Variants in LNX1 observed in about 807,000 individuals in gnomAD.
The protein encoded by LNX1 is ligand of numb-protein X 1.
LNX1 carries 54 observed loss-of-function variants against 68.4 expected under a neutral mutation model. The ratio of observed to expected loss-of-function variants is 0.79; its 90% CI spans 0.63 to 0.99. The LOEUF (loss-of-function observed/expected upper bound fraction) is 0.99. Ranked by LOEUF, LNX1 falls within the 50% of genes least tolerant of loss-of-function variation. The probability of loss-of-function intolerance (pLI) is 0.00; values close to 1 mark genes in which losing one functional copy is unlikely to be tolerated. For missense variants in LNX1, 906 were observed against 926.4 expected, an observed-to-expected ratio of 0.98 and a Z score of 0.29; for synonymous variants, 336 against 350.0, an observed-to-expected ratio of 0.96 and a Z score of 0.45.
chr4:53,614,977 T>C (rs1733632236), intron 2 of LNX1, among the ~76,000 whole-genome samples: 2 of 68,824 alleles, frequency 2.9e-5, no homozygotes, highest in African/African-American at 9.8e-5. Context: ...CCGAAATTTG[T>C]TCATCTTTGA....
intron 2 of LNX1, among the ~76,000 whole-genome samples, chr4:53,529,938 A>G (rs1350924362): frequency 1.6e-5 from 2 of 122,322 alleles, no homozygotes; most frequent in Non-Finnish European, 3.7e-5. Flanking sequence ...GCGGACAAAA[A>G]TGCTACAGAG....
chr4:53,633,890 C>T (rs1402868235), intron 1 of LNX1, among the ~76,000 whole-genome samples: 2 of 152,202 alleles, frequency 1.3e-5, no homozygotes, highest in South Asian at 2.1e-4. Flanking sequence ...CAGAAAAGCC[C>T]GACAGTGAAA....
chr4:53,562,988 C>T (rs572914965), intron 2 of LNX1, among the ~76,000 whole-genome samples: 25 of 152,216 alleles, frequency 1.6e-4, no homozygotes, highest in African/African-American at 4.6e-4. Flanking sequence ...AGACGGATCA[C>T]GAGGTCAGGA....
At chr4:53,629,134 G>A (rs2616424) in intron 1 of LNX1, among the ~76,000 whole-genome samples, 50,277 of 151,992 alleles carry the variant, frequency 0.33, 8,670 homozygotes, top group Admixed American at 0.38. Flanking sequence ...TGAAATAAAT[G>A]TGAAAAACAG....
chr4:53,517,809 C>T (rs1375986909), intron 2 of LNX1, among the ~76,000 whole-genome samples: 1 of 152,180 alleles, frequency 6.6e-6, no homozygotes, highest in African/African-American at 2.4e-5. Context: ...TTTGCGTAGT[C>T]AGAGGTGAAC....
chr4:53,557,951 C>T (rs1362606433), intron 2 of LNX1: 4 of 1,613,694 alleles, frequency 2.5e-6, no homozygotes, highest in South Asian at 1.1e-5. Flanking sequence ...AGACCAGCAA[C>T]AGAAGCGCCT....
At position 53,507,297 on chromosome 4, in the gene LNX1, C is replaced by T. The variant is rs10021772; in HGVS notation, c.775+20G>A. On this transcript the variant is annotated intron_variant, in intron 4 of 10. Coordinates refer to ENST00000263925, the MANE Select transcript of LNX1 (RefSeq NM_001126328.3). ...GAAGCCCAGCCCATGTCCATCCAGC[C>T]TTATGGGGAGTTCATTTACCTTCAG... 566,637 of 1,611,566 alleles carry T rather than the reference C, an allele frequency of 0.35. 106,136 individuals are homozygous for T. Among genetic ancestry groups the T allele is most frequent in the South Asian group, 0.64 (58,479 of 90,898 alleles).
intron 2 of LNX1, among the ~76,000 whole-genome samples, chr4:53,539,518 A>T (rs1362269712): frequency 6.6e-6 from 1 of 152,216 alleles, no homozygotes; most frequent in Admixed American, 6.5e-5. Context: ...GGCATGTGCC[A>T]CCATGCCCAG....
At chr4:53,610,526 T>G (rs1409229503) in intron 2 of LNX1, among the ~76,000 whole-genome samples, 1 of 151,750 alleles carries the variant, frequency 6.6e-6, no homozygotes, top group Non-Finnish European at 1.5e-5. Context: ...GCTAACACGG[T>G]GAAACCCTGT....
At chr4:53,564,867 T>C (rs937691304) in intron 2 of LNX1, among the ~76,000 whole-genome samples, 1 of 152,156 alleles carries the variant, frequency 6.6e-6, no homozygotes, top group African/African-American at 2.4e-5. Context: ...TTCCCTTTCC[T>C]AATCAAAGAA....
intron 1 of LNX1, among the ~76,000 whole-genome samples, chr4:53,641,990 A>G (rs1734703151): frequency 6.6e-6 from 1 of 152,096 alleles, no homozygotes; most frequent in Non-Finnish European, 1.5e-5. Flanking sequence ...TGAAACCAAG[A>G]CAGGAGGATT....
chr4:53,585,282 A>G (rs1405051093), intron 1 of LNX1, among the ~76,000 whole-genome samples: 3 of 152,194 alleles, frequency 2.0e-5, no homozygotes, highest in African/African-American at 7.2e-5. Flanking sequence ...CTGTGGCATG[A>G]ACATAGAAAT....
chr4:53,648,402 A>G (rs1734971082), intron 1 of LNX1, among the ~76,000 whole-genome samples: 1 of 152,148 alleles, frequency 6.6e-6, no homozygotes, highest in Admixed American at 6.6e-5. Flanking sequence ...CCATTTATAT[A>G]TCTTCTTTGG....
chr4:53,547,349 C>T (rs1043840707), intron 2 of LNX1, among the ~76,000 whole-genome samples: 18 of 152,176 alleles, frequency 1.2e-4, no homozygotes, highest in African/African-American at 3.9e-4. Flanking sequence ...AAATGCTTTA[C>T]ATAATCTCAC....
At chr4:53,576,736 C>T (rs1284041538) in intron 1 of LNX1, among the ~76,000 whole-genome samples, 2 of 152,142 alleles carry the variant, frequency 1.3e-5, no homozygotes, top group African/African-American at 2.4e-5. Flanking sequence ...TCCACAAGAA[C>T]ATAAAGACAC....
Position 53,498,795 on chromosome 4 carries a change from A to G in LNX1, c.824T>C (p.Ile275Thr). ...ACTGGGATCTACTCGATTGATCTTG[A>G]TGCTGGTAATTTCACCATCTGGAAT... is the stretch of plus-strand genomic sequence containing the variant. Reference protein sequence around the residue: ...HLIPDGEITSIKINRVDPSES... With the variant: ...HLIPDGEITSTKINRVDPSES... The change falls in exon 5 of 11, where the codon ATC becomes ACC. Residue 275 changes from isoleucine (I) to threonine (T), a missense_variant. Physicochemically the swap from Ile to Thr is moderately conservative, Grantham distance 89. Coordinates refer to ENST00000263925, the MANE Select transcript of LNX1 (RefSeq NM_001126328.3). The G allele has an allele frequency of 6.2e-7, 1 of 1,614,092 alleles. No homozygotes were observed. Among genetic ancestry groups the G allele is most frequent in the Non-Finnish European group, 8.5e-7 (1 of 1,180,004 alleles).
chr4:53,645,012 G>T (rs1255633990), intron 1 of LNX1, among the ~76,000 whole-genome samples: 2 of 152,208 alleles, frequency 1.3e-5, no homozygotes, highest in Admixed American at 6.5e-5. Flanking sequence ...AACAGCAGGA[G>T]AGTGAGCCCA....
At chr4:53,572,550 T>A (rs1731233826) in intron 2 of LNX1, among the ~76,000 whole-genome samples, 1 of 152,154 alleles carries the variant, frequency 6.6e-6, no homozygotes, top group Admixed American at 6.5e-5. Context: ...TTAAAAAAAA[T>A]ACCTGCACCT....
chr4:53,530,950 A>T (rs568491750), intron 2 of LNX1, among the ~76,000 whole-genome samples: 1 of 152,152 alleles, frequency 6.6e-6, no homozygotes, highest in Non-Finnish European at 1.5e-5. Context: ...GTATTGCTTG[A>T]GCTCAGGGGT....
Sources: allele counts gnomAD v4.1 joint callset (sites outside exome capture counted in the v4.1 genomes callset), GRCh38; gene constraint gnomAD v4.1.1; transcripts MANE v1.5; gene names NCBI Gene and HGNC (gene_info 2026-07-23, HGNC 2026-07-21).